The following LRMDA variants were observed in gnomAD, a reference collection of about 807,000 sequenced individuals.
The protein encoded by LRMDA is leucine-rich melanocyte differentiation-associated protein.
Under a neutral mutation model 29.8 loss-of-function variants are expected in LRMDA, and 18 were observed. The ratio of observed to expected loss-of-function variants is 0.60; its 90% confidence interval spans 0.42 to 0.90. The LOEUF is 0.90. Ranked by LOEUF, LRMDA falls within the 40% of genes least tolerant of loss-of-function variation. The probability of loss-of-function intolerance (pLI) is 0.00; values close to 1 mark genes in which losing one functional copy is unlikely to be tolerated. For synonymous variants in LRMDA, 125 were observed against 109.4 expected, an observed-to-expected ratio of 1.14 and a Z score of -0.89; for missense variants, 273 against 273.9, an observed-to-expected ratio of 1.00 and a Z score of 0.02.
At chr10:76,248,118 A>G (rs1353365232) in intron 5 of LRMDA, among the ~76,000 whole-genome samples, 4 of 152,162 alleles carry the variant, frequency 2.6e-5, no homozygotes, top group African/African-American at 7.2e-5. Context: ...GTGGCTCTCA[A>G]TTGGGAGCTA....
chr10:75,770,974 C>T (rs1843232129), intron 2 of LRMDA, among the ~76,000 whole-genome samples: 2 of 151,882 alleles, frequency 1.3e-5, no homozygotes, highest in Admixed American at 6.5e-5. Context: ...CACAATGGGG[C>T]GAGTGTGTAG....
chr10:75,884,974 G>A (rs928037425), intron 2 of LRMDA, among the ~76,000 whole-genome samples: 1 of 152,190 alleles, frequency 6.6e-6, no homozygotes, highest in East Asian at 1.9e-4. Flanking sequence ...GAGGACAGCA[G>A]TTCAGGAGGC....
In LRMDA at chr10:76,410,795, T is replaced by C. The variant is rs372509979; in HGVS notation, c.601+86310T>C. ...ATGGTGAAACCCTGTCTCTACTAAA[T>C]GTACAAAAATTATCCAGGCATGGTG... is the stretch of plus-strand genomic sequence containing the variant. On this transcript the variant is annotated intron_variant, in intron 6 of 6. Transcript: ENST00000611255. Among the ~76,000 whole-genome samples the C allele has an allele frequency of 1.1e-4, 17 of 152,138 alleles. 1 individual carries two copies. The East Asian group carries it at 3.1e-3, about 28-fold the overall frequency.
At chr10:76,227,347 ATTC>A (rs1455165369) in intron 5 of LRMDA, among the ~76,000 whole-genome samples, 1 of 152,130 alleles carries the variant, frequency 6.6e-6, no homozygotes, top group African/African-American at 2.4e-5. Context: ...TCCTAAATCT[ATTC>A]TTATGCAAGA....
chr10:75,750,908 C>T (rs995500518), intron 2 of LRMDA, among the ~76,000 whole-genome samples: 15 of 152,236 alleles, frequency 9.9e-5, no homozygotes, highest in South Asian at 4.2e-4. Flanking sequence ...ACTTCCCAGA[C>T]GGGGTGGCGG....
At chr10:75,800,515 C>G (rs1253157742) in intron 2 of LRMDA, among the ~76,000 whole-genome samples, 2 of 151,494 alleles carry the variant, frequency 1.3e-5, no homozygotes, top group Non-Finnish European at 2.9e-5. Context: ...TCGGCTCACT[C>G]AAACCTCCGC....
At chr10:76,474,783 A>G (rs559837056) in intron 6 of LRMDA, among the ~76,000 whole-genome samples, 1 of 151,830 alleles carries the variant, frequency 6.6e-6, no homozygotes, top group Admixed American at 6.6e-5. Context: ...CTGTAAAATG[A>G]TGAAGCTGCT....
At chr10:76,038,648 A>G (rs941631425) in intron 3 of LRMDA, among the ~76,000 whole-genome samples, 8 of 152,212 alleles carry the variant, frequency 5.3e-5, no homozygotes, top group Admixed American at 2.6e-4. Flanking sequence ...TATCTTCTCA[A>G]CCCAGCACTT....
At chr10:75,855,640 A>G (rs1480919626) in intron 2 of LRMDA, among the ~76,000 whole-genome samples, 3 of 152,200 alleles carry the variant, frequency 2.0e-5, no homozygotes, top group Non-Finnish European at 4.4e-5. Flanking sequence ...GTCCTTGGCC[A>G]TGCCTCTGTC....
At chr10:76,314,280 A>G (rs1486814108) in intron 5 of LRMDA, among the ~76,000 whole-genome samples, 1 of 152,148 alleles carries the variant, frequency 6.6e-6, no homozygotes, top group Admixed American at 6.5e-5. Context: ...CATGTTGCTC[A>G]TGGTTGGTCT....
rs982097318 is a variant in LRMDA, at chr10:76,499,311, C to T, written c.602-57898C>T. On this transcript the variant is annotated intron_variant, in intron 6 of 6. Transcript: ENST00000611255. ...TCTACTTTCTCTATATATGTATTTG[C>T]GCATTCTGGACATTTCACATAAATG... Among the ~76,000 whole-genome samples the T allele has an allele frequency of 2.7e-5, 2 of 74,190 alleles. 1 individual carries two copies. Among genetic ancestry groups the T allele is most frequent in the East Asian group, 5.1e-4 (2 of 3,916 alleles). 48.7% of individuals were successfully genotyped at this position (74,190 alleles called of 152,430 possible).
chr10:76,249,051 A>G (rs1249124529), intron 5 of LRMDA, among the ~76,000 whole-genome samples: 2 of 152,200 alleles, frequency 1.3e-5, no homozygotes, highest in African/African-American at 2.4e-5. Context: ...GAAAATTTAT[A>G]GGTATTTACA....
rs556367076 is a variant in LRMDA, at chr10:76,504,052, A to AT, written c.602-53149dup. Among the ~76,000 whole-genome samples, 85 of 151,428 alleles carry AT rather than the reference A, an allele frequency of 5.6e-4. 2 individuals are homozygous for AT. The South Asian group carries it at 9.4e-3, about 17-fold the overall frequency. ...TCTATATTTTCATTAATTTCAAAGA[A>AT]TTTTTTTTATTTCTGCCTTAATTAT... On this transcript the variant is annotated intron_variant, in intron 6 of 6. Coordinates refer to ENST00000611255, the MANE Select transcript of LRMDA (RefSeq NM_001305581.2).
rs531391070 is a variant in LRMDA, at chr10:76,275,690, G to A, written c.517-48711G>A. On this transcript the variant is annotated intron_variant, in intron 5 of 6. Transcript: ENST00000611255. The stretch of plus-strand genomic sequence containing the variant: ...CTTCTTTTTAAATCCATTAAATTGT[G>A]TGTGTGTTGGTTTTTTGTTTCATCC... Among the ~76,000 whole-genome samples, 32 of 152,154 alleles carry A rather than the reference G, an allele frequency of 2.1e-4. No individual in the cohort carries two copies. The South Asian group carries it at 4.8e-3, about 23-fold the overall frequency.
chr10:75,939,856 G>A (rs564904909), intron 2 of LRMDA, among the ~76,000 whole-genome samples: 1 of 152,260 alleles, frequency 6.6e-6, no homozygotes, highest in African/African-American at 2.4e-5. Flanking sequence ...TTGGCTGGGA[G>A]AAGAGCCTTC....
At chr10:75,603,255 T>C (rs909085404) in intron 2 of LRMDA, among the ~76,000 whole-genome samples, 1 of 152,046 alleles carries the variant, frequency 6.6e-6, no homozygotes, top group Non-Finnish European at 1.5e-5. Context: ...AATCTCATCT[T>C]TGGAGCTTCT....
chr10:75,944,744 A>G (rs1481030312), intron 2 of LRMDA, among the ~76,000 whole-genome samples: 1 of 148,244 alleles, frequency 6.7e-6, no homozygotes, highest in Non-Finnish European at 1.5e-5. Flanking sequence ...ATCTATATGT[A>G]TATATATATA....
intron 2 of LRMDA, among the ~76,000 whole-genome samples, chr10:75,537,865 T>A (rs1230656926): frequency 9.9e-5 from 15 of 152,198 alleles, no homozygotes; most frequent in Admixed American, 9.8e-4. Flanking sequence ...GTCCTGTGTG[T>A]CCCCTCTATA....
chr10:75,802,160 T>C (rs1291138336), intron 2 of LRMDA, among the ~76,000 whole-genome samples: 1 of 152,028 alleles, frequency 6.6e-6, no homozygotes, highest in Admixed American at 6.5e-5. Flanking sequence ...CTACAAAAAA[T>C]TTAAAAAATT....
Sources: gnomAD v4.1 joint callset for allele counts (sites outside exome capture counted in the v4.1 genomes callset) on GRCh38, gnomAD v4.1.1 for gene constraint, MANE v1.5 for transcripts, NCBI Gene and HGNC (gene_info 2026-07-23, HGNC 2026-07-21) for gene names.